Variants in TECTA observed in about 807,000 individuals in gnomAD.
The protein encoded by TECTA is alpha-tectorin.
Under a neutral mutation model 216.8 loss-of-function variants are expected in TECTA, and 128 were observed. That is an observed-to-expected ratio of 0.59 (90% CI 0.51 to 0.68). The LOEUF is 0.68. TECTA is among the 30% of genes least tolerant of loss of function. The probability of loss-of-function intolerance (pLI) is 0.00; values close to 1 mark genes in which losing one functional copy is unlikely to be tolerated. For missense variants in TECTA, 2,551 were observed against 2,786.2 expected (o/e 0.92, Z 1.90); for synonymous variants, 1,089 against 1,117.1 (o/e 0.97, Z 0.50).
chr11:121,184,591 GA>G (rs1351748662), intron 20 of TECTA, among the ~76,000 whole-genome samples: 8 of 152,296 alleles, frequency 5.3e-5, no homozygotes, highest in Admixed American at 2.0e-4. Context: ...GTGGTTCTGG[GA>G]AGACAAACAA....
In TECTA at chr11:121,168,734, C is replaced by T. The variant is rs377039794; in HGVS notation, c.5808C>T (p.Leu1936=). 55 of 1,614,212 alleles carry T rather than the reference C, an allele frequency of 3.4e-5. No homozygotes were observed. The Middle Eastern group carries it at 2.3e-3, about 68-fold the overall frequency. The change falls in exon 20 of 24, where the codon CTC becomes CTT. Residue 1936 remains leucine, a synonymous_variant. Coordinates refer to ENST00000392793, the MANE Select transcript of TECTA (RefSeq NM_005422.4). The part of the protein sequence containing the change: ...QEGSFITKMA[L]YKNASYKHPY... ...GCAGCTTCATCACCAAGATGGCTCT[C>T]TACAAAAACGCCTCCTACAAACATC...
intron 22 of TECTA, among the ~76,000 whole-genome samples, chr11:121,189,434 C>T (rs886172551): frequency 2.4e-4 from 37 of 151,252 alleles, no homozygotes; most frequent in African/African-American, 7.5e-4. Flanking sequence ...AGAGCGGTGG[C>T]GCAATCTTGG....
At chr11:121,186,941 T>G (rs1407727010) in intron 20 of TECTA, among the ~76,000 whole-genome samples, 3 of 152,210 alleles carry the variant, frequency 2.0e-5, no homozygotes, top group African/African-American at 4.8e-5. Context: ...CCACATGCCA[T>G]GTAGTGCATT....
chr11:121,139,728 C>T (rs965658751), intron 11 of TECTA, among the ~76,000 whole-genome samples: 2 of 151,874 alleles, frequency 1.3e-5, no homozygotes, highest in African/African-American at 2.4e-5. Flanking sequence ...TACAAATAAC[C>T]GCTTTCTTCC....
chr11:121,130,361 C>T, intron 10 of TECTA, 150 bp downstream of exon 10: 1 of 917,684 alleles, frequency 1.1e-6, no homozygotes, highest in Non-Finnish European at 1.6e-6. Flanking sequence ...TGTGTCCTCC[C>T]AAAGACTCAT....
In TECTA at chr11:121,128,182, C is replaced by G; in HGVS notation, c.2205C>G (p.Phe735Leu). 1 of 1,608,118 alleles carries G rather than the reference C, an allele frequency of 6.2e-7. No individual in the cohort carries two copies. Among genetic ancestry groups the G allele is most frequent in the Non-Finnish European group, 8.5e-7 (1 of 1,179,984 alleles). Reference sequence around the variant, plus strand: ...CCTCCTACGCCTTCCCCTCCGAGTTCTCCTACACCCTCCTGAAGACCTGCC... The same window carrying G: ...CCTCCTACGCCTTCCCCTCCGAGTTGTCCTACACCCTCCTGAAGACCTGCC... ...DGASYAFPSE[F>L]SYTLLKTCPE... The change falls in exon 9 of 24, where the codon TTC (phenylalanine) becomes TTG (leucine). Residue 735 changes from phenylalanine (F) to leucine (L), a missense_variant. This residue lies in a region of TECTA where 2,375 missense variants were observed against 2,563.9 expected (regional missense o/e 0.93). Coordinates refer to ENST00000392793, the MANE Select transcript of TECTA (RefSeq NM_005422.4).
In TECTA at chr11:121,146,111, C is replaced by A; in HGVS notation, c.4100C>A (p.Ser1367Tyr). The A allele has an allele frequency of 6.2e-7, 1 of 1,607,332 alleles. No individual in the cohort carries two copies. ...ITVTGWRNYTSCTVTCPPNSH... is the reference protein window; with the variant it reads ...ITVTGWRNYTYCTVTCPPNSH... ...GTGACTGGCTGGAGGAATTACACGTCCTGCAGTGAGTCCTTCTCGTTGTCC... is the reference window on the plus strand; with the variant it reads ...GTGACTGGCTGGAGGAATTACACGTACTGCAGTGAGTCCTTCTCGTTGTCC... Residue 1367 changes from serine to tyrosine, a missense_variant, in exon 12 of 24, where the codon TCC (serine) becomes TAC (tyrosine). By Grantham distance (144) the Ser-to-Tyr change is moderately radical (BLOSUM62 -2). This residue lies in a region of TECTA where 2,375 missense variants were observed against 2,563.9 expected (regional missense o/e 0.93). Coordinates refer to ENST00000392793, the MANE Select transcript of TECTA (RefSeq NM_005422.4).
chr11:121,138,462 T>TC lies in TECTA; in HGVS notation c.3543+443dup, dbSNP rs1398746408. Among the ~76,000 whole-genome samples, 4 of 152,112 alleles carry TC rather than the reference T, an allele frequency of 2.6e-5. No individual in the cohort carries two copies. The East Asian group carries it at 7.7e-4, about 29-fold the overall frequency. On this transcript the variant is annotated intron_variant, in intron 11 of 23. Coordinates refer to ENST00000392793, the MANE Select transcript of TECTA (RefSeq NM_005422.4). ...ATGCTATTGTCCTTGTCCACCCACT[T>TC]CCCTTTTTTGAGATCAGGGTGATAT... is the stretch of plus-strand genomic sequence containing the variant.
chr11:121,101,809 T>C (rs7924686), intron 1 of TECTA, among the ~76,000 whole-genome samples: 4,595 of 152,282 alleles, frequency 0.03, 234 homozygotes, highest in African/African-American at 0.1. Context: ...CACGCTTGGG[T>C]GATGTCTAAC....
chr11:121,171,311 T>G (rs1947109876), intron 20 of TECTA, among the ~76,000 whole-genome samples: 2 of 152,174 alleles, frequency 1.3e-5, no homozygotes, highest in Non-Finnish European at 2.9e-5. Flanking sequence ...AATACCATGC[T>G]GTTTTGGCTA....
chr11:121,168,250 T>C lies in TECTA; in HGVS notation c.5750+33T>C, dbSNP rs1947075501. On this transcript the variant is annotated intron_variant, in intron 19 of 23. Transcript: ENST00000392793. Reference sequence around the variant, plus strand: ...GTCTCCTGGGCTGTGCACATTGCTTTTTCTATTCCTTGACAGTTAAGGTTA... The same window carrying C: ...GTCTCCTGGGCTGTGCACATTGCTTCTTCTATTCCTTGACAGTTAAGGTTA... 2.5e-6 allele frequency: 4 copies of C among 1,613,834 alleles called. No individual in the cohort carries two copies. In the East Asian group the frequency reaches 6.7e-5, roughly 27 times the overall value.
rs144932466 is a variant in TECTA at position 121,128,100 on chromosome 11, A to G, written c.2123A>G (p.Lys708Arg). Residue 708 changes from lysine to arginine, a missense_variant, in exon 9 of 24, where the codon AAG becomes AGG. Lys to Arg is a conservative substitution (Grantham distance 26, BLOSUM62 2). Around this residue, in one of 3 missense-constraint regions of TECTA, gnomAD observed 2,375 missense variants for 2,563.9 expected, o/e 0.93. Transcript: ENST00000392793. ...GACGGCTACCAGGGCTGCTTCCCCAAGCGGGAGACCGTGTGCCTGCTCAGC... is the reference window on the plus strand; with the variant it reads ...GACGGCTACCAGGGCTGCTTCCCCAGGCGGGAGACCGTGTGCCTGCTCAGC... Reference protein sequence around the residue: ...VEDGYQGCFPKRETVCLLSQN... With the variant: ...VEDGYQGCFPRRETVCLLSQN... 324 of 1,612,942 alleles carry G rather than the reference A, an allele frequency of 2.0e-4. 1 individual carries two copies. In the African/African-American group the frequency reaches 3.9e-3, roughly 20 times the overall value.
rs1037948195 is a variant in TECTA at position 121,108,520 on chromosome 11, A to C, written c.199-691A>C. 2.0e-5 allele frequency among the ~76,000 whole-genome samples: 3 copies of C among 147,674 alleles called. No individual in the cohort carries two copies. The South Asian group carries it at 6.5e-4, about 32-fold the overall frequency. On this transcript the variant is annotated intron_variant, in intron 3 of 23. Transcript: ENST00000392793. The stretch of plus-strand genomic sequence containing the variant: ...GCACACACTGCCCACCCCAGTACAC[A>C]CACACTCCAATATACACACACACAT...
rs184086834 is a variant in TECTA at position 121,148,611 on chromosome 11, C to T, written c.4105+2495C>T. On this transcript the variant is annotated intron_variant, in intron 12 of 23. Coordinates refer to ENST00000392793, the MANE Select transcript of TECTA (RefSeq NM_005422.4). ...TCATGTGAGGGCAGGCCCCATCTCT[C>T]TCCACCTCTCATTCTACCAAAAATT... Among the ~76,000 whole-genome samples the T allele has an allele frequency of 2.6e-5, 4 of 152,258 alleles. No individual in the cohort carries two copies. The East Asian group carries it at 5.8e-4, about 22-fold the overall frequency.
intron 3 of TECTA, among the ~76,000 whole-genome samples, chr11:121,107,187 G>T (rs1482478808): frequency 6.6e-6 from 1 of 152,218 alleles, no homozygotes; most frequent in Non-Finnish European, 1.5e-5. Context: ...GTTTTGGGTT[G>T]TGTTGACCTG....
At chr11:121,159,465 A>C (rs2135122261) in intron 14 of TECTA, among the ~76,000 whole-genome samples, 1 of 152,364 alleles carries the variant, frequency 6.6e-6, no homozygotes, top group South Asian at 2.1e-4. Flanking sequence ...TATAAAAGCT[A>C]CTAATAGCCT....
At chr11:121,145,489 G>T in intron 11 of TECTA, 66 bp from the exon 12 acceptor site, 1 of 1,558,964 alleles carries the variant, frequency 6.4e-7, no homozygotes, top group South Asian at 1.1e-5. Context: ...GAGACTCATC[G>T]TTAGGAGAAG....
intron 4 of TECTA, among the ~76,000 whole-genome samples, chr11:121,112,427 G>A (rs1241365963): frequency 4.6e-5 from 7 of 152,190 alleles, no homozygotes; most frequent in African/African-American, 1.2e-4. Flanking sequence ...ACGATCACCC[G>A]TCTTAGCGTT....
chr11:121,173,612 G>A (rs1417880284), intron 20 of TECTA, among the ~76,000 whole-genome samples: 1 of 139,200 alleles, frequency 7.2e-6, no homozygotes, highest in Non-Finnish European at 1.6e-5. Context: ...ATAGTTTGAA[G>A]TCAGGTAGCG....
Sources: gnomAD v4.1 joint callset for allele counts (sites outside exome capture counted in the v4.1 genomes callset) on GRCh38, gnomAD v4.1.1 for gene constraint, gnomAD v4.1.1 regional missense constraint, MANE v1.5 for transcripts, NCBI Gene and HGNC (gene_info 2026-07-23, HGNC 2026-07-21) for gene names.